ZNF207: variants seen among roughly 807,000 people sequenced by gnomAD.
ZNF207 encodes the protein BUB3-interacting and GLEBS motif-containing protein ZNF207.
A neutral mutation model predicts 60.2 loss-of-function variants in ZNF207; 24 were observed. The observed-to-expected ratio is 0.40, with a 90% CI of 0.29 to 0.56. The LOEUF (loss-of-function observed/expected upper bound fraction) is 0.56, where lower values mean the gene tolerates loss of function less well. Among genes scored for constraint, ZNF207 ranks in the 20% least tolerant of loss-of-function variants. ZNF207 has a pLI of 0.49. For synonymous variants in ZNF207, 236 were observed against 194.7 expected (o/e 1.21, Z -1.77); for missense variants, 452 against 636.6 (o/e 0.71, Z 3.12).
intron 2 of ZNF207, among the ~76,000 whole-genome samples, chr17:32,357,336 A>ATTTTT (rs1419043137): frequency 5.7e-5 from 5 of 87,906 alleles, no homozygotes; most frequent in African/African-American, 2.5e-4. Context: ...TATTATTATT[A>ATTTTT]TTATTATTAT....
intron 2 of ZNF207, among the ~76,000 whole-genome samples, chr17:32,353,349 G>T (rs1007494794): frequency 2.6e-5 from 4 of 152,084 alleles, no homozygotes; most frequent in African/African-American, 9.7e-5. Flanking sequence ...AGACCTTACA[G>T]AAATATGAGA....
rs944214403 is a variant in ZNF207, at chr17:32,361,262, T to C, written c.552-206T>C. Reference sequence around the variant, plus strand: ...TTTGCGTTTCTGAGATTCAGAATTATCTGTGACACTTTGTAGTTGTGACAA... The same window carrying C: ...TTTGCGTTTCTGAGATTCAGAATTACCTGTGACACTTTGTAGTTGTGACAA... On this transcript the variant is annotated intron_variant, in intron 5 of 11. Coordinates refer to ENST00000394670, the MANE Select transcript of ZNF207 (RefSeq NM_001098507.2). 1.0e-5 allele frequency: 6 copies of C among 572,704 alleles called. No individual in the cohort carries two copies. In the Admixed American group the frequency reaches 1.7e-4, roughly 16 times the overall value. 35.5% of individuals were successfully genotyped at this position (572,704 alleles called of 1,614,324 possible).
Position 32,367,239 on chromosome 17 carries a change from TTATATATATATATATATATATATATATA to T in ZNF207, c.921+501_922-487del, listed in dbSNP as rs10525886. Among the ~76,000 whole-genome samples the T allele has an allele frequency of 8.1e-4, 26 of 32,190 alleles. 1 individual carries two copies. In the East Asian group the frequency reaches 0.012, roughly 15 times the overall value. The allele number at this position is 32,190 out of a possible 152,430, so 21.1% of individuals were successfully genotyped here. On this transcript the variant is annotated intron_variant, in intron 9 of 11. Coordinates refer to ENST00000394670, the MANE Select transcript of ZNF207 (RefSeq NM_001098507.2). ...CCAGCCATTGTTAATTTGGAGGGGA[TTATATATATATATATATATATATATATA>T]TATATATATATATATATAAAGAATA...
At chr17:32,357,594 G>T (rs1171423274) in intron 2 of ZNF207, among the ~76,000 whole-genome samples, 2 of 151,530 alleles carry the variant, frequency 1.3e-5, no homozygotes, top group Admixed American at 6.6e-5. Flanking sequence ...TGATCCGCCC[G>T]CCTCGGCCTC....
intron 5 of ZNF207, chr17:32,361,226 TTA>T (rs1344623570): frequency 1.8e-6 from 1 of 568,926 alleles, no homozygotes; most frequent in Admixed American, 3.4e-5. Context: ...AAGTAGTTGG[TTA>T]TTTATAGATT....
intron 1 of ZNF207, among the ~76,000 whole-genome samples, chr17:32,350,737 C>T (rs1028129614): frequency 1.7e-4 from 26 of 152,148 alleles, no homozygotes; most frequent in African/African-American, 5.5e-4. Context: ...CAGTCTGTCA[C>T]CCACTTTTTC....
intron 2 of ZNF207, among the ~76,000 whole-genome samples, chr17:32,358,072 G>A (rs1210762361): frequency 2.6e-5 from 4 of 152,108 alleles, no homozygotes; most frequent in South Asian, 4.1e-4. Context: ...GAGCCACCTC[G>A]CCTGGCTATA....
intron 2 of ZNF207, among the ~76,000 whole-genome samples, chr17:32,354,858 C>T (rs1230929800): frequency 6.6e-6 from 1 of 151,080 alleles, no homozygotes; most frequent in Non-Finnish European, 1.5e-5. Context: ...TCCTGATCCA[C>T]CTTCCTTGGC....
chr17:32,361,352 G>T, intron 5 of ZNF207, 116 bp from the exon 6 acceptor site: 1 of 754,986 alleles, frequency 1.3e-6, no homozygotes, highest in Non-Finnish European at 2.1e-6. Flanking sequence ...AATATGAGGT[G>T]CTTGTGCCCA....
chr17:32,378,091 T>TC lies in ZNF207; in HGVS notation c.*8332_*8333insC. 6.6e-6 allele frequency: 1 copy of TC among 152,218 alleles called. No homozygotes were observed. The highest frequency in any genetic ancestry group is 2.4e-5 in the African/African-American group (1 of 41,208). 9.4% of individuals were successfully genotyped at this position (152,218 alleles called of 1,614,324 possible). ...ACTTAAATGTTAGTATAACTAATAA[T>TC]AGATCCATTGGACACTTTAAACACT... On this transcript the variant is annotated 3_prime_UTR_variant, in exon 12 of 12. Coordinates refer to ENST00000394670, the MANE Select transcript of ZNF207 (RefSeq NM_001098507.2).
chr17:32,357,341 TATTATTATTA>T (rs1215398550), intron 2 of ZNF207, among the ~76,000 whole-genome samples: 1,213 of 82,910 alleles, frequency 0.015, 26 homozygotes, highest in African/African-American at 0.051. Context: ...TTATTATTAT[TATTATTATTA>T]TTTTTTTTTT....
intron 6 of ZNF207, 82 bp downstream of exon 6, chr17:32,361,597 C>T (rs1463938004): frequency 7.8e-7 from 1 of 1,277,778 alleles, no homozygotes; most frequent in Non-Finnish European, 1.1e-6. Context: ...GGTATCTATT[C>T]AGTTGACTTC....
Position 32,373,344 on chromosome 17 carries a change from T to G in ZNF207, c.*3585T>G, listed in dbSNP as rs1905550367. ...AAAAAAAAAAATTTTAATGCATGTC[T>G]TTTAAATTAATTGGGAACTGTTTTT... is the stretch of plus-strand genomic sequence containing the variant. On this transcript the variant is annotated 3_prime_UTR_variant, in exon 12 of 12. Coordinates refer to ENST00000394670, the MANE Select transcript of ZNF207 (RefSeq NM_001098507.2). 1.5e-6 allele frequency: 1 copy of G among 657,590 alleles called. No individual in the cohort carries two copies. 40.7% of individuals were successfully genotyped at this position (657,590 alleles called of 1,614,324 possible). A position where few individuals can be genotyped will look rare whatever the true frequency, so the allele number is the denominator to read the frequency against.
At position 32,369,408 on chromosome 17, in the gene ZNF207, A is replaced by G. The variant is rs1905361665; in HGVS notation, c.1278A>G (p.Pro426=). ...TTGGAGGTATGATGCCACCACAGCC[A>G]GGCATCCCACAGCAACAAGGAATGA... ...GPIGGMMPPQ[P]GIPQQQGMRP... is the part of the protein sequence containing the mutation. Residue 426 remains proline, a synonymous_variant, in exon 11 of 12, where the codon CCA becomes CCG. Transcript: ENST00000394670. The G allele has an allele frequency of 6.2e-7, 1 of 1,614,182 alleles. No homozygotes were observed.
intron 1 of ZNF207, among the ~76,000 whole-genome samples, 194 bp downstream of exon 1, chr17:32,350,520 T>G (rs2050389742): frequency 6.6e-6 from 1 of 152,004 alleles, no homozygotes; most frequent in African/African-American, 2.4e-5. Flanking sequence ...GCTTTTGCAG[T>G]TGTGGGTCGT....
At chr17:32,360,514 C>T in intron 3 of ZNF207, 84 bp from the exon 4 acceptor site, 1 of 1,277,508 alleles carries the variant, frequency 7.8e-7, no homozygotes, top group Non-Finnish European at 1.1e-6. Context: ...TAATTTTACC[C>T]ATATATGTAT....
At position 32,374,004 on chromosome 17, in the gene ZNF207, C is replaced by G. The variant is rs531908405; in HGVS notation, c.*4245C>G. The G allele has an allele frequency of 1.3e-5, 2 of 152,266 alleles. No homozygotes were observed. Among genetic ancestry groups the G allele is most frequent in the Non-Finnish European group, 2.9e-5 (2 of 68,168 alleles). 9.4% of individuals were successfully genotyped at this position (152,266 alleles called of 1,614,324 possible). On this transcript the variant is annotated 3_prime_UTR_variant, in exon 12 of 12. Coordinates refer to ENST00000394670, the MANE Select transcript of ZNF207 (RefSeq NM_001098507.2). Reference sequence around the variant, plus strand: ...CTCTGCCTCCCGGATTCAAGTGATTCTCCTGCCTCAGCCTCCCGAGTAGCT... The same window carrying G: ...CTCTGCCTCCCGGATTCAAGTGATTGTCCTGCCTCAGCCTCCCGAGTAGCT...
At position 32,370,527 on chromosome 17, in the gene ZNF207, G is replaced by C. The variant is rs1905420419; in HGVS notation, c.*768G>C. The stretch of plus-strand genomic sequence containing the variant: ...GCATGTTTTAAACTGAATTTGCATA[G>C]AGTTGTATGTTAATGTTTCAGTTAA... On this transcript the variant is annotated 3_prime_UTR_variant, in exon 12 of 12. Coordinates refer to ENST00000394670, the MANE Select transcript of ZNF207 (RefSeq NM_001098507.2). 6.6e-6 allele frequency: 1 copy of C among 152,218 alleles called. No individual in the cohort carries two copies. The highest frequency in any genetic ancestry group is 2.1e-4 in the South Asian group (1 of 4,834). The allele number at this position is 152,218 out of a possible 1,614,324, so 9.4% of individuals were successfully genotyped here. A position where few individuals can be genotyped will look rare whatever the true frequency, so the allele number is the denominator to read the frequency against.
chr17:32,353,781 C>G (rs1904330171), intron 2 of ZNF207, among the ~76,000 whole-genome samples: 1 of 142,862 alleles, frequency 7.0e-6, no homozygotes, highest in African/African-American at 2.7e-5. Flanking sequence ...TGCCACTGCA[C>G]TCCAGCCTGG....
Sources: gnomAD v4.1 joint callset for allele counts (sites outside exome capture counted in the v4.1 genomes callset) on GRCh38, gnomAD v4.1.1 for gene constraint, MANE v1.5 for transcripts, NCBI Gene and HGNC (gene_info 2026-07-23, HGNC 2026-07-21) for gene names.